EMC8: variants seen among roughly 807,000 people sequenced by gnomAD.
EMC8 encodes ER membrane protein complex subunit 8.
EMC8 carries 11 observed loss-of-function variants against 24.3 expected under a neutral mutation model. The ratio of observed to expected loss-of-function variants is 0.45; its 90% CI spans 0.28 to 0.75. EMC8 has a LOEUF of 0.75. EMC8 is among the 30% of genes least tolerant of loss of function. The probability of loss-of-function intolerance (pLI) is 0.12; values close to 1 mark genes in which losing one functional copy is unlikely to be tolerated. For missense variants in EMC8, 277 were observed against 282.7 expected (o/e 0.98, Z 0.14); for synonymous variants, 145 against 117.7 (o/e 1.23, Z -1.50).
At chr16:85,781,427 CTTA>C (rs1597199111) in intron 2 of EMC8, 147 bp from the exon 3 acceptor site, 2 of 622,996 alleles carry the variant, frequency 3.2e-6, no homozygotes, top group South Asian at 1.8e-5. Flanking sequence ...CGCTGGTTTA[CTTA>C]TTATTTAATT....
chr16:85,791,958 T>A (rs921834623), intron 1 of EMC8, among the ~76,000 whole-genome samples: 2 of 152,232 alleles, frequency 1.3e-5, no homozygotes, highest in African/African-American at 4.8e-5. Context: ...TTTGGGGGGT[T>A]ATTACTCAGC....
intron 2 of EMC8, chr16:85,787,609 G>A (rs1166107303): frequency 6.6e-6 from 1 of 152,326 alleles, no homozygotes; most frequent in East Asian, 1.9e-4. Flanking sequence ...ATATCAAACA[G>A]AGGACATCCC....
Position 85,799,455 on chromosome 16 carries a change from G to A in EMC8, c.-160C>T. On this transcript the variant is annotated 5_prime_UTR_variant, in exon 1 of 5. Coordinates refer to ENST00000253457, the MANE Select transcript of EMC8 (RefSeq NM_006067.5). The surrounding 1 kb of genome is among the most constrained non-coding windows in gnomAD (Gnocchi z 4.2). The stretch of plus-strand genomic sequence containing the variant: ...GACCCTTCAGGCCCGGCCCCGTTTG[G>A]GCCTCGGCTCCTGGAAAAGCGACTC... 4.9e-6 allele frequency: 2 copies of A among 410,756 alleles called. No homozygotes were observed. The highest frequency in any genetic ancestry group is 8.5e-6 in the Non-Finnish European group (2 of 236,656). 25.4% of individuals were successfully genotyped at this position (410,756 alleles called of 1,614,324 possible).
rs187553327 is a variant in EMC8, at chr16:85,787,251, G to C, written c.308+1723C>G. 1.9e-3 allele frequency among the ~76,000 whole-genome samples: 290 copies of C among 151,272 alleles called. 3 individuals are homozygous for C. Among genetic ancestry groups the C allele is most frequent in the South Asian group, 9.3e-3 (45 of 4,822 alleles). Reference sequence around the variant, plus strand: ...CCCCAACCAGGAATGCTGACCTCCTGGTCTCCACGTCTGCACTTGACAAGG... The same window carrying C: ...CCCCAACCAGGAATGCTGACCTCCTCGTCTCCACGTCTGCACTTGACAAGG... On this transcript the variant is annotated intron_variant, in intron 2 of 4. Transcript: ENST00000253457.
Position 85,779,623 on chromosome 16 carries a change from A to G in EMC8, c.*85T>C, listed in dbSNP as rs1315418506. 7.2e-7 allele frequency: 1 copy of G among 1,398,224 alleles called. No individual in the cohort carries two copies. The highest frequency in any genetic ancestry group is 1.4e-5 in the African/African-American group (1 of 70,752). The allele number at this position is 1,398,224 out of a possible 1,614,324, so 86.6% of individuals were successfully genotyped here. ...AAACGGTCAGCTTTCCACACAGGCT[A>G]CAAGATATTTTATTTACATTTAAAA... On this transcript the variant is annotated 3_prime_UTR_variant, in exon 5 of 5. Coordinates refer to ENST00000253457, the MANE Select transcript of EMC8 (RefSeq NM_006067.5).
At chr16:85,794,820 G>A (rs954990087) in intron 1 of EMC8, among the ~76,000 whole-genome samples, 36 of 152,202 alleles carry the variant, frequency 2.4e-4, no homozygotes, top group African/African-American at 8.4e-4. Context: ...GGGGGGAGGT[G>A]CTGGAGGCTG....
intron 1 of EMC8, among the ~76,000 whole-genome samples, chr16:85,789,900 A>T (rs1342315834): frequency 6.6e-6 from 1 of 152,072 alleles, no homozygotes; most frequent in Non-Finnish European, 1.5e-5. Flanking sequence ...GTCCCAAGTT[A>T]GGAAGGGGCA....
rs1265237743 is a variant in EMC8 at position 85,799,301 on chromosome 16, C to G, written c.-6G>C. ...GTCAGTTTCACCCCGGGCATGCTGA[C>G]CCGGGAGGGCCCCGGAGGCCCCTGG... On this transcript the variant is annotated 5_prime_UTR_variant, in exon 1 of 5. Transcript: ENST00000253457. This position sits in a 1 kb window ranked among gnomAD's most constrained non-coding sequence, Gnocchi z 4.2. The G allele has an allele frequency of 1.3e-6, 2 of 1,585,402 alleles. No individual in the cohort carries two copies. Among genetic ancestry groups the G allele is most frequent in the African/African-American group, 1.4e-5 (1 of 74,036 alleles).
intron 1 of EMC8, among the ~76,000 whole-genome samples, chr16:85,796,737 TCCATCCCC>T (rs1411253735): frequency 6.6e-6 from 1 of 152,150 alleles, no homozygotes; most frequent in Non-Finnish European, 1.5e-5. Flanking sequence ...ATGTTCTCCC[TCCATCCCC>T]CACCTCCTGA....
chr16:85,789,355 C>T (rs888606547), intron 1 of EMC8, among the ~76,000 whole-genome samples: 1 of 152,166 alleles, frequency 6.6e-6, no homozygotes, highest in Admixed American at 6.5e-5. Context: ...TTCTCTTATA[C>T]TATAAAGAAC....
intron 1 of EMC8, among the ~76,000 whole-genome samples, chr16:85,794,008 T>C (rs953179089): frequency 6.6e-6 from 1 of 152,216 alleles, no homozygotes; most frequent in Non-Finnish European, 1.5e-5. Context: ...ATGTTGTCCT[T>C]TGATAGACAG....
intron 2 of EMC8, chr16:85,787,602 T>C (rs1369755060): frequency 6.6e-6 from 1 of 152,222 alleles, no homozygotes; most frequent in Non-Finnish European, 1.5e-5. Context: ...GCAGGCGATA[T>C]CAAACAGAGG....
At chr16:85,785,507 T>A (rs943728667) in intron 2 of EMC8, among the ~76,000 whole-genome samples, 1 of 151,904 alleles carries the variant, frequency 6.6e-6, no homozygotes, top group African/African-American at 2.4e-5. Flanking sequence ...GAGGTGGAGG[T>A]TGCATTGAGG....
chr16:85,780,496 G>C, intron 3 of EMC8, 23 bp from the exon 4 acceptor site: 1 of 1,579,734 alleles, frequency 6.3e-7, no homozygotes, highest in Admixed American at 1.7e-5. Context: ...CAAAGGACAC[G>C]AGAGTGAACA....
chr16:85,791,408 C>T (rs1211267684), intron 1 of EMC8, among the ~76,000 whole-genome samples: 2 of 152,138 alleles, frequency 1.3e-5, no homozygotes, highest in South Asian at 2.1e-4. Context: ...CCTACCAACC[C>T]GTCACCTAGG....
intron 2 of EMC8, chr16:85,787,465 C>T (rs1904805915): frequency 6.6e-6 from 1 of 152,330 alleles, no homozygotes; most frequent in Non-Finnish European, 1.5e-5. Context: ...GGCCAGAGGG[C>T]TGCGCTTTCC....
Position 85,799,514 on chromosome 16 carries a change from T to C in EMC8, c.-219A>G. On this transcript the variant is annotated 5_prime_UTR_variant, in exon 1 of 5. Transcript: ENST00000253457. The surrounding 1 kb of genome is among the most constrained non-coding windows in gnomAD (Gnocchi z 4.2). ...GGGAAGCCGCAGCCCCAGACTCCAGTCGCGCTTCTCGCCCGGCGCCGCCGG... is the reference window on the plus strand; with the variant it reads ...GGGAAGCCGCAGCCCCAGACTCCAGCCGCGCTTCTCGCCCGGCGCCGCCGG... The C allele has an allele frequency of 2.6e-6, 1 of 383,832 alleles. No individual in the cohort carries two copies. Among genetic ancestry groups the C allele is most frequent in the Non-Finnish European group, 4.6e-6 (1 of 217,508 alleles). The allele number at this position is 383,832 out of a possible 1,614,324, so 23.8% of individuals were successfully genotyped here.
At chr16:85,782,293 C>G (rs1330442333) in intron 2 of EMC8, among the ~76,000 whole-genome samples, 2 of 152,242 alleles carry the variant, frequency 1.3e-5, no homozygotes, top group Non-Finnish European at 2.9e-5. Flanking sequence ...TCTCCACGCT[C>G]ATGAGCCTCC....
intron 1 of EMC8, among the ~76,000 whole-genome samples, chr16:85,796,878 C>A (rs1332905287): frequency 5.3e-5 from 8 of 152,206 alleles, no homozygotes; most frequent in African/African-American, 1.9e-4. Flanking sequence ...CTAAGCTCCG[C>A]CTGTGAGGTT....
Sources: gnomAD v4.1 joint callset for allele counts (sites outside exome capture counted in the v4.1 genomes callset) on GRCh38, gnomAD v4.1.1 for gene constraint, Gnocchi (gnomAD v3.1) non-coding constraint, MANE v1.5 for transcripts, NCBI Gene and HGNC (gene_info 2026-07-23, HGNC 2026-07-21) for gene names.